LINGO2: variants seen among roughly 807,000 people sequenced by gnomAD.
LINGO2 encodes leucine-rich repeat and immunoglobulin-like domain-containing nogo receptor-interacting protein 2.
A neutral mutation model predicts 30.6 loss-of-function variants in LINGO2; 14 were observed. That is an observed-to-expected ratio of 0.46 (90% CI 0.30 to 0.72). The LOEUF (loss-of-function observed/expected upper bound fraction) is 0.72, where lower values mean the gene tolerates loss of function less well. Ranked by LOEUF, LINGO2 falls within the 30% of genes least tolerant of loss-of-function variation. LINGO2 has a pLI of 0.07. For synonymous variants in LINGO2, 317 were observed against 288.5 expected (o/e 1.10, Z -1.00); for missense variants, 729 against 751.7 (o/e 0.97, Z 0.35).
intron 1 of LINGO2, among the ~76,000 whole-genome samples, chr9:28,534,426 C>G (rs1444899770): frequency 6.6e-6 from 1 of 152,274 alleles, no homozygotes; most frequent in Middle Eastern, 3.4e-3. Context: ...GGGTCATTCC[C>G]AGGAGTACAT....
intron 1 of LINGO2, among the ~76,000 whole-genome samples, chr9:28,537,886 T>G (rs145535001): frequency 6.5e-4 from 97 of 150,104 alleles, no homozygotes; most frequent in Non-Finnish European, 1.3e-3. Flanking sequence ...AAAAAAAAAC[T>G]TAAACACTTC....
At chr9:28,517,731 T>C (rs1820676072) in intron 1 of LINGO2, among the ~76,000 whole-genome samples, 1 of 152,160 alleles carries the variant, frequency 6.6e-6, no homozygotes, top group South Asian at 2.1e-4. Context: ...TCAAGCAACA[T>C]TAGTACTTCT....
At chr9:28,309,690 G>C (rs1046826822) in intron 3 of LINGO2, among the ~76,000 whole-genome samples, 1 of 151,472 alleles carries the variant, frequency 6.6e-6, no homozygotes, top group Non-Finnish European at 1.5e-5. Context: ...AATTTAAAAC[G>C]TTTTTGCATT....
chr9:28,074,585 G>A (rs1825571584), intron 4 of LINGO2, among the ~76,000 whole-genome samples: 1 of 152,116 alleles, frequency 6.6e-6, no homozygotes, highest in Admixed American at 6.6e-5. Context: ...AGTACATAGA[G>A]ACTTACTGCA....
the LINGO2 span, among the ~76,000 whole-genome samples, chr9:29,182,091 A>G: frequency 2.0e-5 from 3 of 152,152 alleles, no homozygotes; most frequent in African/African-American, 7.2e-5. Flanking sequence ...AATAAATAGA[A>G]AGATGAATTT....
chr9:28,990,152 G>C, the LINGO2 span, among the ~76,000 whole-genome samples: 793 of 151,804 alleles, frequency 5.2e-3, 17 homozygotes, highest in East Asian at 0.054. Flanking sequence ...AGAAAGGGGT[G>C]ACACTGCGCT....
At chr9:28,952,405 T>C in the LINGO2 span, among the ~76,000 whole-genome samples, 2 of 152,166 alleles carry the variant, frequency 1.3e-5, no homozygotes, top group Non-Finnish European at 2.9e-5. Flanking sequence ...GCTTTCAAAA[T>C]GGCTGCAATA....
chr9:28,269,641 G>A (rs575506280), intron 4 of LINGO2, among the ~76,000 whole-genome samples: 24 of 151,794 alleles, frequency 1.6e-4, no homozygotes, highest in African/African-American at 5.5e-4. Flanking sequence ...AATGGCTTTT[G>A]AATCAATAAT....
intron 4 of LINGO2, among the ~76,000 whole-genome samples, chr9:28,231,762 C>T (rs1821363888): frequency 6.6e-6 from 1 of 152,078 alleles, no homozygotes; most frequent in Non-Finnish European, 1.5e-5. Context: ...ATGCCATTAT[C>T]TCCATTTTAC....
intron 5 of LINGO2, among the ~76,000 whole-genome samples, chr9:27,986,973 A>G (rs1429003318): frequency 4.0e-5 from 6 of 151,820 alleles, no homozygotes; most frequent in Non-Finnish European, 7.4e-5. Flanking sequence ...GCTATTTCCT[A>G]TGGAGATAAG....
At chr9:28,879,088 C>A in the LINGO2 span, among the ~76,000 whole-genome samples, 226 of 152,144 alleles carry the variant, frequency 1.5e-3, 4 homozygotes, top group African/African-American at 5.1e-3. Flanking sequence ...ACTAGAAAAC[C>A]CCATTGTCTC....
chr9:28,463,069 C>G (rs116694289), intron 2 of LINGO2, among the ~76,000 whole-genome samples: 3 of 151,830 alleles, frequency 2.0e-5, no homozygotes, highest in African/African-American at 4.8e-5. Context: ...CTGTTTTACA[C>G]TATTATCCTC....
the LINGO2 span, among the ~76,000 whole-genome samples, chr9:28,871,419 G>C: frequency 6.6e-6 from 1 of 151,630 alleles, no homozygotes; most frequent in Non-Finnish European, 1.5e-5. Flanking sequence ...AATAGGAATG[G>C]AAAGTGGGAG....
the LINGO2 span, among the ~76,000 whole-genome samples, chr9:29,106,243 C>T: frequency 6.6e-6 from 1 of 152,110 alleles, no homozygotes; most frequent in Non-Finnish European, 1.5e-5. Flanking sequence ...AAATGGTATG[C>T]TTGACTCAGC....
the LINGO2 span, among the ~76,000 whole-genome samples, chr9:28,835,833 AT>A: frequency 1.3e-5 from 2 of 152,144 alleles, no homozygotes; most frequent in African/African-American, 4.8e-5. Context: ...GAAGAGTCAG[AT>A]TTTTAGACCT....
At chr9:28,188,545 A>G (rs964964997) in intron 4 of LINGO2, among the ~76,000 whole-genome samples, 8 of 150,896 alleles carry the variant, frequency 5.3e-5, no homozygotes, top group Non-Finnish European at 2.9e-5. Context: ...CTGCTTCCGG[A>G]AAAAAAATTA....
At chr9:28,095,436 C>T (rs1418261899) in intron 4 of LINGO2, among the ~76,000 whole-genome samples, 5 of 151,934 alleles carry the variant, frequency 3.3e-5, no homozygotes, top group Non-Finnish European at 4.4e-5. Context: ...CTTTGACAAA[C>T]CTGAGGAAAA....
intron 1 of LINGO2, among the ~76,000 whole-genome samples, chr9:28,534,544 C>T (rs1457125043): frequency 6.6e-6 from 1 of 152,070 alleles, no homozygotes; most frequent in East Asian, 1.9e-4. Context: ...ACTAAAACTC[C>T]AAAAACTTGT....
At chr9:28,975,949 G>A in the LINGO2 span, among the ~76,000 whole-genome samples, 50 of 152,184 alleles carry the variant, frequency 3.3e-4, no homozygotes, top group Non-Finnish European at 6.2e-4. Flanking sequence ...TATCAATTAT[G>A]CAACATCTTA....
Sources: gnomAD v4.1 joint callset for allele counts (sites outside exome capture counted in the v4.1 genomes callset) on GRCh38, gnomAD v4.1.1 for gene constraint, MANE v1.5 for transcripts, NCBI Gene and HGNC (gene_info 2026-07-23, HGNC 2026-07-21) for gene names.